Variants in UGT1A10 observed in about 807,000 individuals in gnomAD.
The protein encoded by UGT1A10 is UDP-glucuronosyltransferase 1A10.
In UGT1A10, 49 loss-of-function variants were observed where a neutral mutation model predicts 45.8. The ratio of observed to expected loss-of-function variants is 1.07; its 90% confidence interval spans 0.85 to 1.36. The LOEUF (loss-of-function observed/expected upper bound fraction) is 1.36. UGT1A10 is among the 40% of genes most tolerant of loss of function. The probability of loss-of-function intolerance (pLI) is 0.00; values close to 1 mark genes in which losing one functional copy is unlikely to be tolerated. For missense variants in UGT1A10, 745 were observed against 668.6 expected (o/e 1.11, Z -1.26); for synonymous variants, 284 against 249.7 (o/e 1.14, Z -1.29).
At chr2:233,715,249 A>T (rs577425759) in intron 1 of UGT1A10, among the ~76,000 whole-genome samples, 3 of 152,282 alleles carry the variant, frequency 2.0e-5, no homozygotes, top group East Asian at 1.9e-4. Context: ...GATGTCTTTT[A>T]AAAAATCCCC....
intron 1 of UGT1A10, among the ~76,000 whole-genome samples, chr2:233,685,460 C>A (rs2074739513): frequency 6.6e-6 from 1 of 152,160 alleles, no homozygotes; most frequent in Non-Finnish European, 1.5e-5. Flanking sequence ...CCATCTAGGG[C>A]CAGTGCAGCT....
At chr2:233,710,569 C>A (rs1186829016) in intron 1 of UGT1A10, among the ~76,000 whole-genome samples, 2 of 152,130 alleles carry the variant, frequency 1.3e-5, no homozygotes, top group African/African-American at 4.8e-5. Context: ...TTAAAAGGTG[C>A]CCTTTCAAAA....
At chr2:233,753,341 CCTG>C (rs138147580) in intron 1 of UGT1A10, 5,646 of 152,328 alleles carry the variant, frequency 0.037, 136 homozygotes, top group Non-Finnish European at 0.057. Context: ...CTGCCATTTT[CCTG>C]CTGTTTATTA....
chr2:233,637,432 A>G, intron 1 of UGT1A10, 55 bp downstream of exon 1: 4 of 1,546,266 alleles, frequency 2.6e-6, no homozygotes, highest in Non-Finnish European at 3.5e-6. Context: ...GAAATTAAAA[A>G]AGGATTCCTT....
intron 1 of UGT1A10, chr2:233,719,600 C>T (rs1250192329): frequency 1.2e-6 from 2 of 1,614,004 alleles, no homozygotes; most frequent in South Asian, 2.2e-5. Context: ...TCCGAGGGGA[C>T]TTTGTGATGG....
intron 1 of UGT1A10, among the ~76,000 whole-genome samples, chr2:233,680,036 CTCTT>C (rs895286095): frequency 3.3e-5 from 5 of 151,506 alleles, no homozygotes; most frequent in African/African-American, 1.2e-4. Flanking sequence ...TTTTCTTTTT[CTCTT>C]TCTTTCTTTT....
At chr2:233,674,232 G>A (rs2074277572) in intron 1 of UGT1A10, among the ~76,000 whole-genome samples, 1 of 152,162 alleles carries the variant, frequency 6.6e-6, no homozygotes, top group Non-Finnish European at 1.5e-5. Flanking sequence ...ATGGGAAAGT[G>A]AAATAATGCT....
intron 1 of UGT1A10, among the ~76,000 whole-genome samples, chr2:233,664,395 G>T (rs969665385): frequency 6.6e-6 from 1 of 152,082 alleles, no homozygotes; most frequent in Non-Finnish European, 1.5e-5. Flanking sequence ...ACTATTTTCT[G>T]TTGGTACCAA....
intron 1 of UGT1A10, among the ~76,000 whole-genome samples, chr2:233,655,664 G>A (rs1197320951): frequency 1.3e-5 from 2 of 152,180 alleles, no homozygotes; most frequent in East Asian, 3.9e-4. Flanking sequence ...GGGGGTGGGT[G>A]ATCACTGTCC....
chr2:233,675,793 T>G (rs1683773220), intron 1 of UGT1A10, among the ~76,000 whole-genome samples: 1 of 152,206 alleles, frequency 6.6e-6, no homozygotes, highest in Non-Finnish European at 1.5e-5. Flanking sequence ...AATTTGTATG[T>G]TTTTAAAAAG....
intron 1 of UGT1A10, among the ~76,000 whole-genome samples, chr2:233,707,780 T>C (rs781721068): frequency 1.7e-4 from 26 of 152,240 alleles, no homozygotes; most frequent in Middle Eastern, 3.2e-3. Context: ...TTAGAGTATA[T>C]ACCTAGGGGT....
At position 233,757,547 on chromosome 2, in the gene UGT1A10, T is replaced by TAC. The variant is rs1452370067; in HGVS notation, c.856-9486_856-9485insCA. Among the ~76,000 whole-genome samples, 65 of 133,940 alleles carry TAC rather than the reference T, an allele frequency of 4.9e-4. 6 individuals carry two copies. The highest frequency in any genetic ancestry group is 6.5e-4 in the Admixed American group (9 of 13,854). The allele number at this position is 133,940 out of a possible 152,430, so 87.9% of individuals were successfully genotyped here. On this transcript the variant is annotated intron_variant, in intron 1 of 4. Coordinates refer to ENST00000344644, the MANE Select transcript of UGT1A10 (RefSeq NM_019075.4). Reference sequence around the variant, plus strand: ...CTTGCCTGTAAGGAATATATATATATATATATATATATATGTATATATGAT... The same window carrying TAC: ...CTTGCCTGTAAGGAATATATATATATACATATATATATATATGTATATATGAT...
chr2:233,736,731 G>A (rs2078799563), intron 1 of UGT1A10, among the ~76,000 whole-genome samples: 1 of 151,600 alleles, frequency 6.6e-6, no homozygotes, highest in Non-Finnish European at 1.5e-5. Context: ...TGATGTTTAT[G>A]CTGTTCCTTT....
At chr2:233,676,692 G>A (rs1472017831) in intron 1 of UGT1A10, among the ~76,000 whole-genome samples, 1 of 152,146 alleles carries the variant, frequency 6.6e-6, no homozygotes, top group Non-Finnish European at 1.5e-5. Context: ...GTGTCCTGTA[G>A]AATGTTCCTC....
In UGT1A10 at chr2:233,637,057, G is replaced by T. The variant is rs2073312647; in HGVS notation, c.535G>T (p.Glu179Ter). The change falls in exon 1 of 5, where the codon GAA (glutamate) becomes TAA (stop). Residue 179 changes from glutamate to a stop codon, truncating the protein, a stop_gained. Transcript: ENST00000344644. LOFTEE classifies it high-confidence loss of function. Reference protein sequence around the residue: ...TRGIFCHHLEEGAQCPAPLSY... With the variant: ...TRGIFCHHLE ...GGGAATATTTTGCCACCATCTTGAAGAAGGTGCACAGTGCCCTGCTCCTCT... is the reference window on the plus strand; with the variant it reads ...GGGAATATTTTGCCACCATCTTGAATAAGGTGCACAGTGCCCTGCTCCTCT... The T allele has an allele frequency of 1.2e-6, 2 of 1,613,944 alleles. No homozygotes were observed. Among genetic ancestry groups the T allele is most frequent in the South Asian group, 1.1e-5 (1 of 91,070 alleles).
intron 1 of UGT1A10, chr2:233,672,599 G>A (rs772418161): frequency 2.4e-5 from 38 of 1,613,822 alleles, no homozygotes; most frequent in South Asian, 1.5e-4. Flanking sequence ...TTATGCCACC[G>A]TTTTTTCAAA....
intron 1 of UGT1A10, among the ~76,000 whole-genome samples, chr2:233,663,990 C>A (rs2074026999): frequency 6.6e-6 from 1 of 152,160 alleles, no homozygotes; most frequent in African/African-American, 2.4e-5. Context: ...AGCCAGGCCA[C>A]ATCTGGAATA....
chr2:233,725,129 T>C (rs1238705631), intron 1 of UGT1A10, among the ~76,000 whole-genome samples: 2 of 136,286 alleles, frequency 1.5e-5, no homozygotes, highest in Non-Finnish European at 3.1e-5. Flanking sequence ...TGAGCCGAGA[T>C]GGCAGCAGTA....
intron 1 of UGT1A10, among the ~76,000 whole-genome samples, chr2:233,640,029 C>G (rs1352571529): frequency 6.6e-6 from 1 of 152,194 alleles, no homozygotes; most frequent in Non-Finnish European, 1.5e-5. Context: ...GTAGGTGCAG[C>G]TCTGCAGACC....
Sources: gnomAD v4.1 joint callset for allele counts (sites outside exome capture counted in the v4.1 genomes callset) on GRCh38, gnomAD v4.1.1 for gene constraint, MANE v1.5 for transcripts, NCBI Gene and HGNC (gene_info 2026-07-23, HGNC 2026-07-21) for gene names.